The following PARD3B variants were observed in gnomAD, a reference collection of about 807,000 sequenced individuals.
PARD3B encodes par-3 family cell polarity regulator beta.
PARD3B carries 103 observed loss-of-function variants against 130.2 expected under a neutral mutation model. That is an observed-to-expected ratio of 0.79 (90% confidence interval 0.67 to 0.93). The LOEUF (loss-of-function observed/expected upper bound fraction) is 0.93. Among genes scored for constraint, PARD3B ranks in the 40% least tolerant of loss-of-function variants. The pLI, the probability that PARD3B is intolerant of heterozygous loss-of-function variation, is 0.00. For synonymous variants in PARD3B, 583 were observed against 553.2 expected (o/e 1.05, Z -0.76); for missense variants, 1,609 against 1,499.2 (o/e 1.07, Z -1.21).
Position 205,564,558 on chromosome 2 carries a change from A to T in PARD3B, c.3260+11155A>T, listed in dbSNP as rs1027690667. ...AGGAAACTATTGTTGGTTCTTTCAC[A>T]GTGTAGTTCTGGCACATCCTTAGGG... On this transcript the variant is annotated intron_variant, in intron 22 of 22. Transcript: ENST00000406610. This position sits in a 1 kb window ranked among gnomAD's most constrained non-coding sequence, Gnocchi z 4.6. 1.3e-5 allele frequency among the ~76,000 whole-genome samples: 2 copies of T among 152,202 alleles called. No individual in the cohort carries two copies. The highest frequency in any genetic ancestry group is 4.8e-5 in the African/African-American group (2 of 41,458).
chr2:205,495,114 G>A lies in PARD3B; in HGVS notation c.3045-4782G>A, dbSNP rs950345735. Among the ~76,000 whole-genome samples, 11 of 152,212 alleles carry A rather than the reference G, an allele frequency of 7.2e-5. No individual in the cohort carries two copies. The South Asian group carries it at 2.3e-3, about 32-fold the overall frequency. ...CCTTAGTGTGATGTTTATGACATGT[G>A]GGAATTTGTTGCTGTAGGTGGCCAT... is the stretch of plus-strand genomic sequence containing the variant. On this transcript the variant is annotated intron_variant, in intron 20 of 22. Transcript: ENST00000406610.
At chr2:204,733,479 CTTTTTT>C (rs34103852) in intron 2 of PARD3B, among the ~76,000 whole-genome samples, 1 of 127,250 alleles carries the variant, frequency 7.9e-6, no homozygotes, top group Non-Finnish European at 1.7e-5. Context: ...CCTTGACAGG[CTTTTTT>C]TTTTTTTTTT....
At chr2:205,270,367 G>A (rs987078500) in intron 16 of PARD3B, among the ~76,000 whole-genome samples, 23 of 152,042 alleles carry the variant, frequency 1.5e-4, no homozygotes, top group African/African-American at 5.1e-4. Flanking sequence ...AGGAGATAGA[G>A]ACCAACCTGA....
intron 15 of PARD3B, among the ~76,000 whole-genome samples, chr2:205,202,964 A>C (rs2037072288): frequency 6.6e-6 from 1 of 152,148 alleles, no homozygotes; most frequent in Non-Finnish European, 1.5e-5. Context: ...TATATCCTTA[A>C]GTCAATAATG....
At chr2:204,652,048 G>A (rs1231124465) in intron 1 of PARD3B, among the ~76,000 whole-genome samples, 3 of 152,192 alleles carry the variant, frequency 2.0e-5, no homozygotes, top group Admixed American at 2.0e-4. Flanking sequence ...CTCAGGACCT[G>A]TGATGGGAGG....
intron 22 of PARD3B, among the ~76,000 whole-genome samples, chr2:205,608,300 A>G (rs1359362424): frequency 1.3e-5 from 2 of 152,172 alleles, no homozygotes; most frequent in Admixed American, 1.3e-4. Context: ...TGTCTGCTAC[A>G]TGATTATCAG....
chr2:204,572,844 C>CT (rs780143643), intron 1 of PARD3B, among the ~76,000 whole-genome samples: 3 of 152,204 alleles, frequency 2.0e-5, no homozygotes, highest in Non-Finnish European at 4.4e-5. Context: ...TTCCTACCCT[C>CT]TTGTAGGAAG....
intron 21 of PARD3B, among the ~76,000 whole-genome samples, chr2:205,500,946 G>A (rs1037692472): frequency 7.2e-5 from 11 of 152,070 alleles, no homozygotes; most frequent in Non-Finnish European, 1.3e-4. Context: ...TGTTATCCCC[G>A]GTGCCCATGA....
chr2:205,240,995 T>C (rs1183452533), intron 15 of PARD3B, among the ~76,000 whole-genome samples: 1 of 152,202 alleles, frequency 6.6e-6, no homozygotes, highest in Non-Finnish European at 1.5e-5. Context: ...TTTTTTCCCC[T>C]GTATTTTCTT....
At chr2:205,403,455 C>T (rs1259624451) in intron 19 of PARD3B, among the ~76,000 whole-genome samples, 1 of 152,066 alleles carries the variant, frequency 6.6e-6, no homozygotes, top group Non-Finnish European at 1.5e-5. Flanking sequence ...CAGCACACTG[C>T]TACAGGTCTG....
chr2:205,601,592 G>A (rs1242278865), intron 22 of PARD3B, among the ~76,000 whole-genome samples: 2 of 152,170 alleles, frequency 1.3e-5, no homozygotes, highest in Non-Finnish European at 2.9e-5. Flanking sequence ...GTCCTGAGTG[G>A]TGTTGCCTAG....
intron 3 of PARD3B, among the ~76,000 whole-genome samples, chr2:204,997,035 C>T (rs985058759): frequency 6.6e-5 from 10 of 152,108 alleles, no homozygotes; most frequent in African/African-American, 2.2e-4. Flanking sequence ...AGAAATCACC[C>T]GTCTTCTGCG....
chr2:204,844,658 G>A (rs1479721947), intron 2 of PARD3B, among the ~76,000 whole-genome samples: 1 of 152,108 alleles, frequency 6.6e-6, no homozygotes, highest in Non-Finnish European at 1.5e-5. Context: ...ATGTGAATAG[G>A]AGTCAGGAAG....
At chr2:204,777,959 C>T (rs1202473286) in intron 2 of PARD3B, among the ~76,000 whole-genome samples, 1 of 151,980 alleles carries the variant, frequency 6.6e-6, no homozygotes, top group Non-Finnish European at 1.5e-5. Context: ...ACAGTTTCTC[C>T]TTCACACACT....
Position 205,158,990 on chromosome 2 carries a change from T to C in PARD3B, c.1620+83T>C, listed in dbSNP as rs2034351046. On this transcript the variant is annotated intron_variant, in intron 11 of 22. Coordinates refer to ENST00000406610, the MANE Select transcript of PARD3B (RefSeq NM_001302769.2). The surrounding 1 kb of genome is among the most constrained non-coding windows in gnomAD (Gnocchi z 5.4). ...GTACTTAGAGACTGAATGGAGAAAG[T>C]GTCTGAAGACTTGAGGCCACTGAGA... is the stretch of plus-strand genomic sequence containing the variant. The C allele has an allele frequency of 1.4e-6, 2 of 1,478,176 alleles. No individual in the cohort carries two copies. The highest frequency in any genetic ancestry group is 3.7e-5 in the Admixed American group (2 of 53,456). The allele number at this position is 1,478,176 out of a possible 1,614,324, so 91.6% of individuals were successfully genotyped here.
chr2:205,122,790 A>T lies in PARD3B; in HGVS notation c.1165+841A>T, dbSNP rs770900847. Among the ~76,000 whole-genome samples, 1 of 152,232 alleles carries T rather than the reference A, an allele frequency of 6.6e-6. No homozygotes were observed. The highest frequency in any genetic ancestry group is 1.5e-5 in the Non-Finnish European group (1 of 68,042). On this transcript the variant is annotated intron_variant, in intron 8 of 22. Coordinates refer to ENST00000406610, the MANE Select transcript of PARD3B (RefSeq NM_001302769.2). The surrounding 1 kb of genome is among the most constrained non-coding windows in gnomAD (Gnocchi z 4.3). ...AACAAATAATGTATCATCATTTAGGATATGAAAATTATTCTGGAAAGATTC... is the reference window on the plus strand; with the variant it reads ...AACAAATAATGTATCATCATTTAGGTTATGAAAATTATTCTGGAAAGATTC...
At chr2:205,090,531 T>C (rs747630722) in intron 4 of PARD3B, among the ~76,000 whole-genome samples, 2 of 152,212 alleles carry the variant, frequency 1.3e-5, no homozygotes, top group Non-Finnish European at 2.9e-5. Context: ...CCCACATTCC[T>C]CTGCTAGGGA....
intron 22 of PARD3B, among the ~76,000 whole-genome samples, chr2:205,600,468 G>T (rs13403575): frequency 0.31 from 46,872 of 151,988 alleles, 8,217 homozygotes; most frequent in African/African-American, 0.45. Context: ...GTTGTTGGTG[G>T]TGTTGTTGTT....
chr2:204,812,231 G>A (rs1331746879), intron 2 of PARD3B, among the ~76,000 whole-genome samples: 1 of 152,134 alleles, frequency 6.6e-6, no homozygotes, highest in Non-Finnish European at 1.5e-5. Context: ...CATATTTATT[G>A]TATGGATATA....
Sources: gnomAD v4.1 joint callset for allele counts (sites outside exome capture counted in the v4.1 genomes callset) on GRCh38, gnomAD v4.1.1 for gene constraint, Gnocchi (gnomAD v3.1) non-coding constraint, MANE v1.5 for transcripts, NCBI Gene and HGNC (gene_info 2026-07-23, HGNC 2026-07-21) for gene names.